CIB4: variants seen among roughly 807,000 people sequenced by gnomAD.
CIB4 encodes calcium and integrin binding family member 4.
In CIB4, 25 loss-of-function variants were observed where a neutral mutation model predicts 25.8. The observed-to-expected ratio is 0.97, with a 90% CI of 0.71 to 1.35. The LOEUF (loss-of-function observed/expected upper bound fraction) is 1.35. CIB4 is among the 40% of genes most tolerant of loss of function. The pLI is 0.00. For synonymous variants in CIB4, 75 were observed against 81.4 expected, an observed-to-expected ratio of 0.92 and a Z score of 0.42; for missense variants, 235 against 228.2, an observed-to-expected ratio of 1.03 and a Z score of -0.19.
intron 3 of CIB4, among the ~76,000 whole-genome samples, chr2:26,611,138 T>A (rs1433098314): frequency 6.6e-6 from 1 of 152,210 alleles, no homozygotes; most frequent in African/African-American, 2.4e-5. Flanking sequence ...CATCTCTCCC[T>A]CCAGGATGGC....
chr2:26,619,929 C>T (rs1304378610), intron 3 of CIB4, among the ~76,000 whole-genome samples: 1 of 148,672 alleles, frequency 6.7e-6, no homozygotes, highest in Non-Finnish European at 1.5e-5. Flanking sequence ...CCCGGAATCC[C>T]CTACAGACTC....
intron 4 of CIB4, among the ~76,000 whole-genome samples, chr2:26,587,851 T>C (rs56058222): frequency 0.022 from 3,366 of 152,354 alleles, 137 homozygotes; most frequent in African/African-American, 0.076. Flanking sequence ...TATTGGTTTC[T>C]ACCAGTTTCC....
chr2:26,639,078 G>T (rs1669586792), intron 2 of CIB4, among the ~76,000 whole-genome samples: 1 of 152,164 alleles, frequency 6.6e-6, no homozygotes, highest in Admixed American at 6.5e-5. Flanking sequence ...TCTTCCAGAA[G>T]GCTAGATGGT....
chr2:26,610,961 T>TG (rs11401771), intron 3 of CIB4, among the ~76,000 whole-genome samples: 103,589 of 152,078 alleles, frequency 0.68, 35,559 homozygotes, highest in African/African-American at 0.75. Flanking sequence ...AAAATACACA[T>TG]GGGTGTCATA....
chr2:26,620,117 G>A (rs150379188), intron 3 of CIB4, among the ~76,000 whole-genome samples: 6,847 of 145,278 alleles, frequency 0.047, 207 homozygotes, highest in Non-Finnish European at 0.074. Flanking sequence ...CTGTGACTGA[G>A]GAAGCAGGAC....
intron 2 of CIB4, among the ~76,000 whole-genome samples, chr2:26,635,329 T>C (rs1044911684): frequency 5.9e-5 from 9 of 152,224 alleles, no homozygotes; most frequent in Non-Finnish European, 1.3e-4. Flanking sequence ...GGAGGTGTCA[T>C]CTGCAGATCT....
intron 2 of CIB4, among the ~76,000 whole-genome samples, chr2:26,632,685 G>C (rs552964161): frequency 6.6e-6 from 1 of 151,964 alleles, no homozygotes; most frequent in South Asian, 2.1e-4. Flanking sequence ...TTGAACTCGG[G>C]AGGTAGAGCT....
At chr2:26,609,598 G>C (rs1668957752) in intron 3 of CIB4, among the ~76,000 whole-genome samples, 1 of 152,156 alleles carries the variant, frequency 6.6e-6, no homozygotes, top group African/African-American at 2.4e-5. Flanking sequence ...CCAGACAAAA[G>C]AACAGAAAGA....
At chr2:26,636,112 T>C (rs987774917) in intron 2 of CIB4, among the ~76,000 whole-genome samples, 4 of 152,216 alleles carry the variant, frequency 2.6e-5, no homozygotes, top group African/African-American at 7.2e-5. Context: ...ATAGATACTA[T>C]CTTGTGACCT....
In CIB4 at chr2:26,641,250, G is replaced by T. The variant is rs750375496; in HGVS notation, c.54+11C>A. ...CACCTCTGCCCAGAGTCCCTAGCCC[G>T]ATCTACCCACCTGGTACTCTTCCAG... is the stretch of plus-strand genomic sequence containing the variant. On this transcript the variant is annotated intron_variant, in intron 1 of 6. Transcript: ENST00000288861. 6.8e-6 allele frequency: 11 copies of T among 1,610,172 alleles called. No individual in the cohort carries two copies. The East Asian group carries it at 2.2e-4, about 33-fold the overall frequency.
chr2:26,618,081 A>G (rs182804772), intron 3 of CIB4, among the ~76,000 whole-genome samples: 1 of 152,300 alleles, frequency 6.6e-6, no homozygotes, highest in Non-Finnish European at 1.5e-5. Flanking sequence ...GGAGGCCATG[A>G]CACAGCTCTG....
At chr2:26,609,917 G>A (rs1170269638) in intron 3 of CIB4, among the ~76,000 whole-genome samples, 2 of 152,192 alleles carry the variant, frequency 1.3e-5, no homozygotes, top group African/African-American at 2.4e-5. Context: ...TTAGTTCAAA[G>A]CAAGAGACTG....
intron 3 of CIB4, among the ~76,000 whole-genome samples, chr2:26,619,527 C>G (rs139488882): frequency 6.6e-6 from 1 of 152,130 alleles, no homozygotes; most frequent in Non-Finnish European, 1.5e-5. Flanking sequence ...GTGAAAGATC[C>G]CTTGCATCAA....
intron 2 of CIB4, among the ~76,000 whole-genome samples, chr2:26,638,782 A>G (rs1360135370): frequency 6.6e-6 from 1 of 152,088 alleles, no homozygotes; most frequent in Non-Finnish European, 1.5e-5. Context: ...GTGAAACCCT[A>G]TCTCTACAGA....
chr2:26,633,417 G>A (rs545799831), intron 2 of CIB4, among the ~76,000 whole-genome samples: 22 of 152,302 alleles, frequency 1.4e-4, no homozygotes, highest in Non-Finnish European at 1.6e-4. Context: ...ACGGAGTGGA[G>A]GGCTGAACCC....
chr2:26,596,068 T>A (rs1229909932), intron 3 of CIB4, among the ~76,000 whole-genome samples: 3 of 152,198 alleles, frequency 2.0e-5, no homozygotes, highest in Non-Finnish European at 4.4e-5. Context: ...AAATAAGTAT[T>A]TGAACAAATT....
chr2:26,625,859 T>C (rs996416284), intron 3 of CIB4, among the ~76,000 whole-genome samples: 5 of 152,382 alleles, frequency 3.3e-5, no homozygotes, highest in South Asian at 2.1e-4. Context: ...AGGGTTTTTA[T>C]GGTTTGGGGT....
At chr2:26,637,809 T>A (rs1669561812) in intron 2 of CIB4, among the ~76,000 whole-genome samples, 1 of 152,158 alleles carries the variant, frequency 6.6e-6, no homozygotes, top group Middle Eastern at 3.2e-3. Flanking sequence ...GTCTCCTGGG[T>A]CTGGAGACTC....
At chr2:26,603,856 T>G (rs1278285414) in intron 3 of CIB4, among the ~76,000 whole-genome samples, 1 of 150,962 alleles carries the variant, frequency 6.6e-6, no homozygotes, top group Admixed American at 6.6e-5. Context: ...TACAAAAATT[T>G]ACCAGGTGTG....
Sources: gnomAD v4.1 joint callset for allele counts (sites outside exome capture counted in the v4.1 genomes callset) on GRCh38, gnomAD v4.1.1 for gene constraint, MANE v1.5 for transcripts, NCBI Gene and HGNC (gene_info 2026-07-23, HGNC 2026-07-21) for gene names.